Variants in CAMTA1 observed in about 807,000 individuals in gnomAD.
The protein encoded by CAMTA1 is calmodulin binding transcription activator 1, also known as calmodulin-binding transcription activator 1.
Under a neutral mutation model 170.9 loss-of-function variants are expected in CAMTA1, and 27 were observed. That is an observed-to-expected ratio of 0.16 (90% CI 0.12 to 0.22). The LOEUF is 0.22. Among genes scored for constraint, CAMTA1 ranks in the 10% least tolerant of loss-of-function variants. The pLI is 1.00. For synonymous variants in CAMTA1, 833 were observed against 891.5 expected (o/e 0.93, Z 1.17); for missense variants, 1,619 against 2,217.2 (o/e 0.73, Z 5.42).
At chr1:6,931,856 G>A (rs1684471205) in intron 3 of CAMTA1, among the ~76,000 whole-genome samples, 1 of 152,102 alleles carries the variant, frequency 6.6e-6, no homozygotes. Flanking sequence ...ATGAGGAGAG[G>A]GGGATGCTTT....
In CAMTA1 at chr1:7,050,076, C is replaced by T. The variant is rs529837461; in HGVS notation, c.235-41228C>T. 7.9e-5 allele frequency among the ~76,000 whole-genome samples: 12 copies of T among 152,194 alleles called. No individual in the cohort carries two copies. The highest frequency in any genetic ancestry group is 5.2e-4 in the Admixed American group (8 of 15,300). ...GACTGCAAGCGCGGTGTCCTTGGGG[C>T]GGGATTGCACTGGGAGTGTTTGAAG... On this transcript the variant is annotated intron_variant, in intron 3 of 22. Transcript: ENST00000303635. The surrounding 1 kb of genome is among the most constrained non-coding windows in gnomAD (Gnocchi z 4.8).
At chr1:7,517,113 G>A (rs1310027269) in intron 6 of CAMTA1, among the ~76,000 whole-genome samples, 1 of 152,134 alleles carries the variant, frequency 6.6e-6, no homozygotes, top group Non-Finnish European at 1.5e-5. Flanking sequence ...TCAAGCTGAT[G>A]GACATAGATC....
chr1:7,431,549 G>A (rs2092154413), intron 5 of CAMTA1, among the ~76,000 whole-genome samples: 1 of 152,130 alleles, frequency 6.6e-6, no homozygotes, highest in African/African-American at 2.4e-5. Flanking sequence ...GCCCCACTTG[G>A]CAGATCGAAG....
chr1:7,601,324 G>T (rs542016189), intron 6 of CAMTA1, among the ~76,000 whole-genome samples: 2 of 151,552 alleles, frequency 1.3e-5, no homozygotes, highest in Admixed American at 1.3e-4. Context: ...GGGCAGAGAC[G>T]CTCCTCACAT....
chr1:7,450,045 G>A (rs957715549), intron 5 of CAMTA1, among the ~76,000 whole-genome samples: 7 of 152,126 alleles, frequency 4.6e-5, no homozygotes, highest in African/African-American at 1.7e-4. Flanking sequence ...GGAGAGATGA[G>A]GCCCAGGATG....
chr1:6,995,109 T>A (rs1413192062), intron 3 of CAMTA1, among the ~76,000 whole-genome samples: 7 of 152,058 alleles, frequency 4.6e-5, no homozygotes, highest in Non-Finnish European at 1.0e-4. Context: ...ACCTCATGTT[T>A]TTGTTTTTTT....
chr1:7,339,651 G>A (rs916676881), intron 5 of CAMTA1, among the ~76,000 whole-genome samples: 2 of 152,128 alleles, frequency 1.3e-5, no homozygotes, highest in Admixed American at 1.3e-4. Flanking sequence ...CACCCAGGCT[G>A]GAGTGCAGTG....
At chr1:7,499,303 T>C (rs200314447) in intron 6 of CAMTA1, among the ~76,000 whole-genome samples, 5,077 of 90,198 alleles carry the variant, frequency 0.056, 198 homozygotes, top group East Asian at 0.24. Context: ...CGTGTGTATG[T>C]ATATGAGTGT....
intron 3 of CAMTA1, among the ~76,000 whole-genome samples, chr1:7,043,663 G>GT (rs1285759409): frequency 6.6e-6 from 1 of 152,130 alleles, no homozygotes; most frequent in Non-Finnish European, 1.5e-5. Context: ...TCAGTAGAAC[G>GT]TAAGAAACGC....
At chr1:7,436,783 G>A (rs1290380657) in intron 5 of CAMTA1, among the ~76,000 whole-genome samples, 1 of 152,198 alleles carries the variant, frequency 6.6e-6, no homozygotes, top group Non-Finnish European at 1.5e-5. Context: ...GGGAACGGCA[G>A]TGGGGCTGGG....
intron 4 of CAMTA1, among the ~76,000 whole-genome samples, chr1:7,205,723 T>A (rs1657609745): frequency 6.6e-6 from 1 of 152,230 alleles, no homozygotes; most frequent in South Asian, 2.1e-4. Flanking sequence ...TGTGTAGTCC[T>A]GTTCATCAAT....
intron 12 of CAMTA1, among the ~76,000 whole-genome samples, chr1:7,735,321 C>A (rs550038598): frequency 6.6e-6 from 1 of 152,038 alleles, no homozygotes; most frequent in Admixed American, 6.5e-5. Context: ...CATGGTGAAA[C>A]CCTATCTCCG....
intron 1 of CAMTA1, among the ~76,000 whole-genome samples, chr1:6,813,468 T>C (rs1645419941): frequency 6.6e-6 from 1 of 151,646 alleles, no homozygotes; most frequent in Admixed American, 6.6e-5. Flanking sequence ...GTATTCCCCC[T>C]ACTCCTTTTA....
At chr1:7,177,527 T>C (rs1461843148) in intron 4 of CAMTA1, among the ~76,000 whole-genome samples, 1 of 79,650 alleles carries the variant, frequency 1.3e-5, no homozygotes, top group Admixed American at 1.5e-4. Context: ...CACACACAAG[T>C]CCCTCCCATA....
At chr1:7,120,085 T>C (rs1005267552) in intron 4 of CAMTA1, among the ~76,000 whole-genome samples, 2 of 152,158 alleles carry the variant, frequency 1.3e-5, no homozygotes, top group Non-Finnish European at 2.9e-5. Flanking sequence ...ATCACACAGA[T>C]GGCAAATGGA....
At chr1:7,709,817 A>AAAAGC (rs2096555498) in intron 11 of CAMTA1, among the ~76,000 whole-genome samples, 1 of 152,228 alleles carries the variant, frequency 6.6e-6, no homozygotes, top group South Asian at 2.1e-4. Flanking sequence ...AGTGGTTCAG[A>AAAAGC]AAAGCATGGT....
In CAMTA1 at chr1:6,971,683, A is replaced by C. The variant is rs1692558689; in HGVS notation, c.235-119621A>C. Among the ~76,000 whole-genome samples, 1 of 152,226 alleles carries C rather than the reference A, an allele frequency of 6.6e-6. No individual in the cohort carries two copies. The highest frequency in any genetic ancestry group is 6.5e-5 in the Admixed American group (1 of 15,286). On this transcript the variant is annotated intron_variant, in intron 3 of 22. Coordinates refer to ENST00000303635, the MANE Select transcript of CAMTA1 (RefSeq NM_015215.4). The surrounding 1 kb of genome is among the most constrained non-coding windows in gnomAD (Gnocchi z 4.6). ...GGATAATGGTGTCTGTGGCTGGGAT[A>C]AAAACCCCCATGACCATCCTCCATG...
chr1:7,062,844 C>T (rs2101776512), intron 3 of CAMTA1, among the ~76,000 whole-genome samples: 1 of 152,364 alleles, frequency 6.6e-6, no homozygotes, highest in East Asian at 1.9e-4. Flanking sequence ...CTGCCTGCAG[C>T]TGCTTCACTC....
At chr1:7,328,559 T>C (rs1267808947) in intron 5 of CAMTA1, among the ~76,000 whole-genome samples, 1 of 152,150 alleles carries the variant, frequency 6.6e-6, no homozygotes, top group Non-Finnish European at 1.5e-5. Flanking sequence ...CACTGCCCTG[T>C]TTTTCTCTCC....
Sources: gnomAD v4.1 joint callset for allele counts (sites outside exome capture counted in the v4.1 genomes callset) on GRCh38, gnomAD v4.1.1 for gene constraint, Gnocchi (gnomAD v3.1) non-coding constraint, MANE v1.5 for transcripts, NCBI Gene and HGNC (gene_info 2026-07-23, HGNC 2026-07-21) for gene names.